The following TTC7A variants were observed in gnomAD, a reference collection of about 807,000 sequenced individuals.
TTC7A encodes tetratricopeptide repeat domain 7A.
A neutral mutation model predicts 103.7 loss-of-function variants in TTC7A; 110 were observed. That is an observed-to-expected ratio of 1.06 (90% CI 0.91 to 1.24). The LOEUF is 1.24. Among genes scored for constraint, TTC7A ranks in the 50% most tolerant of loss-of-function variants. The pLI, the probability that TTC7A is intolerant of heterozygous loss-of-function variation, is 0.00. For synonymous variants in TTC7A, 521 were observed against 467.9 expected (o/e 1.11, Z -1.47); for missense variants, 1,340 against 1,116.3 (o/e 1.20, Z -2.86).
intron 14 of TTC7A, among the ~76,000 whole-genome samples, chr2:47,028,243 G>A (rs1680129967): frequency 1.3e-5 from 2 of 152,218 alleles, no homozygotes; most frequent in South Asian, 4.1e-4. Flanking sequence ...CCAAGCAAGT[G>A]TGTGGTCTCA....
intron 12 of TTC7A, among the ~76,000 whole-genome samples, chr2:47,023,068 C>G (rs1483619466): frequency 6.6e-6 from 1 of 152,188 alleles, no homozygotes; most frequent in African/African-American, 2.4e-5. Context: ...GTCAGGAAGC[C>G]TAGGAAGGTA....
intron 2 of TTC7A, among the ~76,000 whole-genome samples, chr2:46,925,326 G>C (rs1298479220): frequency 3.9e-5 from 6 of 152,144 alleles, no homozygotes; most frequent in Non-Finnish European, 5.9e-5. Flanking sequence ...GGGAGGCTAA[G>C]GTGGGCGGAT....
In TTC7A at chr2:46,941,397, CGCCCGGGCCCCCGCT is replaced by C. The variant is rs1327332776; in HGVS notation, c.-141_-127del. 2 of 645,894 alleles carry C rather than the reference CGCCCGGGCCCCCGCT, an allele frequency of 3.1e-6. No homozygotes were observed. Among genetic ancestry groups the C allele is most frequent in the African/African-American group, 4.6e-5 (2 of 43,562 alleles). 40.0% of individuals were successfully genotyped at this position (645,894 alleles called of 1,614,324 possible). A position where few individuals can be genotyped will look rare whatever the true frequency, so the allele number is the denominator to read the frequency against. ...GCTGCTGCTGCTGCCCACCCTCCGC[CGCCCGGGCCCCCGCT>C]GCCGCCCGGGCCCCGGCTGCCGTCT... On this transcript the variant is annotated 5_prime_UTR_variant, in exon 1 of 20. Transcript: ENST00000319190. The surrounding 1 kb of genome is among the most constrained non-coding windows in gnomAD (Gnocchi z 4.2).
chr2:46,979,481 T>A (rs758810201), intron 5 of TTC7A, among the ~76,000 whole-genome samples: 3 of 152,132 alleles, frequency 2.0e-5, no homozygotes, highest in Non-Finnish European at 4.4e-5. Context: ...TGGGTTGTCT[T>A]GAGGTCCCTG....
intron 5 of TTC7A, among the ~76,000 whole-genome samples, chr2:46,984,789 C>T (rs186841730): frequency 5.3e-5 from 8 of 152,264 alleles, no homozygotes; most frequent in East Asian, 1.9e-4. Context: ...AGTCACTTGC[C>T]CGAGCTTACC....
At position 46,945,877 on chromosome 2, in the gene TTC7A, T is replaced by C. The variant is rs79381604; in HGVS notation, c.184+4152T>C. Reference sequence around the variant, plus strand: ...GTGGTTGGCAGGTCCCAGCCTTCTATAGTCCTGGGAGGTGAGCAGCTGCAG... The same window carrying C: ...GTGGTTGGCAGGTCCCAGCCTTCTACAGTCCTGGGAGGTGAGCAGCTGCAG... On this transcript the variant is annotated intron_variant, in intron 1 of 19. Coordinates refer to ENST00000319190, the MANE Select transcript of TTC7A (RefSeq NM_020458.4). Among the ~76,000 whole-genome samples, 1,521 of 152,328 alleles carry C rather than the reference T, an allele frequency of 1.0e-2. 27 individuals carry two copies. The highest frequency in any genetic ancestry group is 0.035 in the African/African-American group (1,459 of 41,560).
At chr2:47,033,452 G>C (rs1446881091) in intron 15 of TTC7A, among the ~76,000 whole-genome samples, 1 of 152,222 alleles carries the variant, frequency 6.6e-6, no homozygotes, top group African/African-American at 2.4e-5. Flanking sequence ...GCTGGTGCTG[G>C]GCGTGGGCTT....
chr2:47,054,555 G>A (rs764052164), intron 18 of TTC7A, among the ~76,000 whole-genome samples: 5 of 151,862 alleles, frequency 3.3e-5, no homozygotes, highest in East Asian at 1.9e-4. Flanking sequence ...GGATCAGGCC[G>A]GGTGCGGTGG....
At chr2:46,957,097 T>G (rs1246029695) in intron 3 of TTC7A, 90 bp downstream of exon 3, 14 of 1,533,218 alleles carry the variant, frequency 9.1e-6, no homozygotes, top group Non-Finnish European at 1.3e-5. Flanking sequence ...CGTGTCCAGA[T>G]TCTTCACCCC....
intron 10 of TTC7A, among the ~76,000 whole-genome samples, chr2:47,008,472 C>T (rs1331677049): frequency 1.3e-5 from 2 of 152,230 alleles, no homozygotes; most frequent in Non-Finnish European, 2.9e-5. Context: ...ATCCAGGGAG[C>T]TGGTTTCGCG....
At chr2:46,926,199 G>A (rs1027161946) in intron 2 of TTC7A, among the ~76,000 whole-genome samples, 7 of 152,198 alleles carry the variant, frequency 4.6e-5, no homozygotes, top group Admixed American at 2.0e-4. Context: ...CTTTACTGAA[G>A]CCTTACCATC....
intron 3 of TTC7A, among the ~76,000 whole-genome samples, chr2:46,960,919 A>G (rs1268297184): frequency 6.6e-6 from 1 of 152,240 alleles, no homozygotes; most frequent in Non-Finnish European, 1.5e-5. Flanking sequence ...TAGGGGCTAC[A>G]GCCCTGGTGA....
chr2:47,060,876 C>G lies in TTC7A; in HGVS notation c.2260C>G (p.Leu754Val), dbSNP rs1683722860. 6.2e-7 allele frequency: 1 copy of G among 1,614,164 alleles called. No homozygotes were observed. Among genetic ancestry groups the G allele is most frequent in the Non-Finnish European group, 8.5e-7 (1 of 1,180,016 alleles). ...CTCAGTACTCTATATGCGGGGCCGG[C>G]TGGCTGAGGTGAAGGGCAACCTGGA... Reference protein sequence around the residue: ...SHSVLYMRGRLAEVKGNLEEA... With the variant: ...SHSVLYMRGRVAEVKGNLEEA... The change falls in exon 19 of 20, where the codon CTG (leucine) becomes GTG (valine). Residue 754 changes from leucine to valine, a missense_variant. Physicochemically the swap from Leu to Val is conservative, Grantham distance 32. Transcript: ENST00000319190.
chr2:46,939,682 C>A (rs1255776942), upstream of TTC7A, among the ~76,000 whole-genome samples: 1 of 152,162 alleles, frequency 6.6e-6, no homozygotes, highest in African/African-American at 2.4e-5. Context: ...CACTCCCTGC[C>A]CCAGGGCTGA....
intron 14 of TTC7A, among the ~76,000 whole-genome samples, chr2:47,028,376 G>A (rs1262398799): frequency 6.6e-6 from 1 of 152,244 alleles, no homozygotes; most frequent in African/African-American, 2.4e-5. Flanking sequence ...GCCAGATCCA[G>A]TAGAACATTG....
intron 4 of TTC7A, 77 bp downstream of exon 4, chr2:46,975,180 G>C: frequency 6.4e-7 from 1 of 1,573,578 alleles, no homozygotes; most frequent in Admixed American, 1.7e-5. Context: ...TAAACCCATA[G>C]GTCACCTGTG....
At chr2:47,009,894 T>G (rs1371001394) in intron 10 of TTC7A, among the ~76,000 whole-genome samples, 1 of 145,012 alleles carries the variant, frequency 6.9e-6, no homozygotes, top group Non-Finnish European at 1.5e-5. Flanking sequence ...GTGTTTTTTT[T>G]TTTTTTTTTG....
At chr2:46,982,675 G>C (rs1674592733) in intron 5 of TTC7A, among the ~76,000 whole-genome samples, 1 of 152,200 alleles carries the variant, frequency 6.6e-6, no homozygotes, top group Non-Finnish European at 1.5e-5. Context: ...CAGGGTGCCT[G>C]ATAGATCACA....
intron 19 of TTC7A, among the ~76,000 whole-genome samples, chr2:47,065,148 G>A (rs1461618380): frequency 3.3e-5 from 5 of 152,138 alleles, no homozygotes; most frequent in Non-Finnish European, 2.9e-5. Flanking sequence ...TTAGCCGGGC[G>A]TGGTGGTGGG....
Sources: gnomAD v4.1 joint callset for allele counts (sites outside exome capture counted in the v4.1 genomes callset) on GRCh38, gnomAD v4.1.1 for gene constraint, Gnocchi (gnomAD v3.1) non-coding constraint, MANE v1.5 for transcripts, NCBI Gene and HGNC (gene_info 2026-07-23, HGNC 2026-07-21) for gene names.